WDR27: variants seen among roughly 807,000 people sequenced by gnomAD.
The protein encoded by WDR27 is WD repeat domain 27, also known as WD repeat-containing protein 27.
A neutral mutation model predicts 114.4 loss-of-function variants in WDR27; 100 were observed. The observed-to-expected ratio is 0.87, with a 90% CI of 0.74 to 1.03. The LOEUF is 1.03. Among genes scored for constraint, WDR27 ranks in the 50% least tolerant of loss-of-function variants. The pLI, the probability that WDR27 is intolerant of heterozygous loss-of-function variation, is 0.00. For synonymous variants in WDR27, 449 were observed against 423.1 expected (o/e 1.06, Z -0.75); for missense variants, 1,129 against 1,092.9 (o/e 1.03, Z -0.47).
intron 17 of WDR27, 139 bp downstream of exon 17, chr6:169,643,558 T>C: frequency 1.6e-6 from 1 of 644,746 alleles, no homozygotes; most frequent in Non-Finnish European, 2.6e-6. Flanking sequence ...GTAAATCTAG[T>C]TTAGACTCCA....
At chr6:169,680,147 TAAATA>T (rs1562917086) in intron 2 of WDR27, among the ~76,000 whole-genome samples, 1 of 152,158 alleles carries the variant, frequency 6.6e-6, no homozygotes, top group Non-Finnish European at 1.5e-5. Context: ...AAACATATGT[TAAATA>T]AAATACTTCA....
At chr6:169,632,212 A>C (rs919537047) in intron 21 of WDR27, among the ~76,000 whole-genome samples, 1 of 151,804 alleles carries the variant, frequency 6.6e-6, no homozygotes, top group Non-Finnish European at 1.5e-5. Context: ...AAAAAAAAGA[A>C]GACGCAAAAT....
At chr6:169,538,457 C>T (rs1253467210) in intron 25 of WDR27, among the ~76,000 whole-genome samples, 2 of 152,182 alleles carry the variant, frequency 1.3e-5, no homozygotes, top group South Asian at 2.1e-4. Flanking sequence ...GGACTCCTCC[C>T]ATAAGGTCAC....
intron 25 of WDR27, among the ~76,000 whole-genome samples, chr6:169,484,071 CTGAAT>C (rs1485770728): frequency 6.6e-6 from 1 of 152,082 alleles, no homozygotes; most frequent in Admixed American, 6.5e-5. Context: ...CAATGTTGTA[CTGAAT>C]TGACAAAAGC....
At chr6:169,554,540 T>C (rs149664198) in intron 25 of WDR27, among the ~76,000 whole-genome samples, 3 of 152,298 alleles carry the variant, frequency 2.0e-5, no homozygotes, top group African/African-American at 7.2e-5. Flanking sequence ...AATCAAAATA[T>C]TGAAGTAGGG....
At chr6:169,553,020 G>C (rs1214182019) in intron 25 of WDR27, among the ~76,000 whole-genome samples, 3 of 103,284 alleles carry the variant, frequency 2.9e-5, no homozygotes, top group Non-Finnish European at 6.1e-5. Context: ...GTGTGTGTGT[G>C]TGTGTGTATG....
chr6:169,531,372 T>C (rs1795570467), intron 25 of WDR27, among the ~76,000 whole-genome samples: 1 of 152,190 alleles, frequency 6.6e-6, no homozygotes, highest in South Asian at 2.1e-4. Context: ...TATATCTTAA[T>C]CCCGTGGACA....
the WDR27 span, among the ~76,000 whole-genome samples, chr6:169,445,797 C>T: frequency 2.7e-4 from 41 of 152,312 alleles, no homozygotes; most frequent in African/African-American, 9.4e-4. Flanking sequence ...AGCTGCAGAC[C>T]GAGGCGGTGC....
intron 25 of WDR27, among the ~76,000 whole-genome samples, chr6:169,465,862 A>T (rs1429086070): frequency 6.6e-6 from 1 of 152,180 alleles, no homozygotes; most frequent in Admixed American, 6.5e-5. Context: ...GTTGCCAGGG[A>T]CTGAGGAAGG....
At chr6:169,521,379 T>C (rs898837976) in intron 25 of WDR27, among the ~76,000 whole-genome samples, 2 of 152,052 alleles carry the variant, frequency 1.3e-5, no homozygotes, top group African/African-American at 4.8e-5. Flanking sequence ...GACCTGTCTA[T>C]AAGAAATGCT....
At chr6:169,465,309 C>T (rs1785434672) in intron 25 of WDR27, among the ~76,000 whole-genome samples, 1 of 148,720 alleles carries the variant, frequency 6.7e-6, no homozygotes, top group Admixed American at 6.7e-5. Flanking sequence ...CTCAACATCA[C>T]TCATCATTTG....
chr6:169,667,861 T>A (rs1828305360), intron 5 of WDR27, 121 bp downstream of exon 5: 2 of 972,744 alleles, frequency 2.1e-6, no homozygotes, highest in Non-Finnish European at 2.9e-6. Context: ...CTTGCAGAAG[T>A]GAGGTAGAAA....
chr6:169,591,565 A>G (rs760546626), intron 23 of WDR27, among the ~76,000 whole-genome samples: 3 of 152,258 alleles, frequency 2.0e-5, no homozygotes, highest in Non-Finnish European at 4.4e-5. Context: ...AGTTACCTCC[A>G]AATGGGGACC....
intron 25 of WDR27, among the ~76,000 whole-genome samples, chr6:169,563,937 G>A (rs557304454): frequency 1.3e-5 from 2 of 152,320 alleles, no homozygotes; most frequent in Admixed American, 1.3e-4. Context: ...TAAAGGGACA[G>A]GACTCATAGG....
intron 25 of WDR27, among the ~76,000 whole-genome samples, chr6:169,476,024 G>A (rs1787098079): frequency 3.3e-5 from 5 of 152,188 alleles, no homozygotes; most frequent in Admixed American, 3.3e-4. Flanking sequence ...TATATGGAAT[G>A]TTACTTAGAT....
the WDR27 span, among the ~76,000 whole-genome samples, chr6:169,436,700 T>C: frequency 2.0e-5 from 3 of 152,104 alleles, no homozygotes; most frequent in Admixed American, 1.3e-4. Context: ...AATTAAATCA[T>C]AGACATTGAT....
intron 22 of WDR27, among the ~76,000 whole-genome samples, chr6:169,605,108 C>CAAAAAAAAAAAAAAAAAAAAAAAAA (rs59884264): frequency 1.3e-5 from 1 of 76,200 alleles, no homozygotes; most frequent in Non-Finnish European, 2.2e-5. Context: ...AGCAATTAGG[C>CAAAAAAAAAAAAAAAAAAAAAAAAA]AAAAAAAAAA....
Position 169,493,112 on chromosome 6 carries a change from T to TA in WDR27, c.2646-35479dup, listed in dbSNP as rs993549482. On this transcript the variant is annotated intron_variant, in intron 25 of 25. Coordinates refer to ENST00000448612, the MANE Select transcript of WDR27 (RefSeq NM_182552.5). ...ATAATCTTTTCTATTAAAAAGGTTA[T>TA]AAAATTGGATTAAAATTATAAAATT... Among the ~76,000 whole-genome samples the TA allele has an allele frequency of 2.3e-3, 354 of 152,066 alleles. 2 individuals are homozygous for TA. The highest frequency in any genetic ancestry group is 8.0e-3 in the African/African-American group (331 of 41,550).
the WDR27 span, among the ~76,000 whole-genome samples, chr6:169,434,454 C>A: frequency 6.6e-6 from 1 of 152,180 alleles, no homozygotes; most frequent in South Asian, 2.1e-4. Flanking sequence ...TGTTTTAGTA[C>A]CAGTACCATG....
Sources: allele counts gnomAD v4.1 joint callset (sites outside exome capture counted in the v4.1 genomes callset), GRCh38; gene constraint gnomAD v4.1.1; transcripts MANE v1.5; gene names NCBI Gene and HGNC (gene_info 2026-07-23, HGNC 2026-07-21).